The following SEMA6C variants were observed in gnomAD, a reference collection of about 807,000 sequenced individuals.
SEMA6C encodes semaphorin 6C, also known as semaphorin-6C.
A neutral mutation model predicts 72.9 loss-of-function variants in SEMA6C; 37 were observed. The ratio of observed to expected loss-of-function variants is 0.51; its 90% CI spans 0.39 to 0.67. The LOEUF (loss-of-function observed/expected upper bound fraction) is 0.67. SEMA6C is among the 30% of genes least tolerant of loss of function. The pLI, the probability that SEMA6C is intolerant of heterozygous loss-of-function variation, is 0.00. For missense variants in SEMA6C, 1,189 were observed against 1,263.6 expected, an observed-to-expected ratio of 0.94 and a Z score of 0.89; for synonymous variants, 578 against 554.1, an observed-to-expected ratio of 1.04 and a Z score of -0.61.
intron 3 of SEMA6C, among the ~76,000 whole-genome samples, chr1:151,142,129 C>T (rs1478119484): frequency 3.3e-5 from 5 of 151,470 alleles, no homozygotes; most frequent in East Asian, 1.9e-4. Flanking sequence ...CTCCGCCTTC[C>T]GGGTTCATGC....
rs1271048928 is a variant in SEMA6C, at chr1:151,139,660, CCTT to C, written c.272_274del (p.Glu91del). On this transcript the variant is annotated inframe_deletion, in exon 5 of 19. Transcript: ENST00000368914. ...CACCTTGTTGGGCACCAGCCCCTCC[CCTT>C]CTTCTTCGGCTTGAAGATCGAAGGA... The C allele has an allele frequency of 4.4e-6, 7 of 1,607,334 alleles. No homozygotes were observed. Among genetic ancestry groups the C allele is most frequent in the Non-Finnish European group, 6.0e-6 (7 of 1,174,918 alleles).
chr1:151,134,230 A>T (rs1340119914), intron 18 of SEMA6C, 171 bp downstream of exon 18: 1 of 766,770 alleles, frequency 1.3e-6, no homozygotes, highest in African/African-American at 1.7e-5. Context: ...TTGTTCAAAA[A>T]GTACCCTACT....
chr1:151,139,581 T>G, intron 5 of SEMA6C, 57 bp downstream of exon 5: 10 of 1,607,526 alleles, frequency 6.2e-6, no homozygotes, highest in Non-Finnish European at 8.5e-6. Flanking sequence ...CTGACCCACA[T>G]TAGACCTTTC....
intron 12 of SEMA6C, 68 bp from the exon 13 acceptor site, chr1:151,136,231 C>G (rs929096136): frequency 4.4e-6 from 7 of 1,588,524 alleles, no homozygotes; most frequent in South Asian, 1.1e-5. Context: ...TCTGTGCCCC[C>G]TACTGCTCCC....
In SEMA6C at chr1:151,138,368, C is replaced by T. The variant is rs2101632131; in HGVS notation, c.495G>A (p.Gly165=). ...SLQQEGEELS[G]QARCPFDATQ... ...TGGCATCAAAGGGGCATCGAGCCTGCCCACTCAGTTCCTCACCCTCCTGCT... is the reference window on the plus strand; with the variant it reads ...TGGCATCAAAGGGGCATCGAGCCTGTCCACTCAGTTCCTCACCCTCCTGCT... The change falls in exon 8 of 19, where the codon GGG becomes GGA. Residue 165 remains glycine, a synonymous_variant. Coordinates refer to ENST00000368914, the MANE Select transcript of SEMA6C (RefSeq NM_030913.6). 3.7e-6 allele frequency: 6 copies of T among 1,613,996 alleles called. No homozygotes were observed. The highest frequency in any genetic ancestry group is 5.1e-6 in the Non-Finnish European group (6 of 1,179,916).
rs1480872849 is a variant in SEMA6C, at chr1:151,140,029, C to T, written c.180G>A (p.Gly60=). Residue 60 remains glycine (G), a synonymous_variant, in exon 4 of 19, where the codon GGG becomes GGA. Coordinates refer to ENST00000368914, the MANE Select transcript of SEMA6C (RefSeq NM_030913.6). ...AGGTCAGGAATCTCTGAAAGTCCAG[C>T]CCAAGTTCTGCAGCCACAGCATCAT... ...LEDDAVAAEL[G]LDFQRFLTLN... is the part of the protein sequence containing the mutation. 2.5e-6 allele frequency: 4 copies of T among 1,614,148 alleles called. No individual in the cohort carries two copies. Among genetic ancestry groups the T allele is most frequent in the Non-Finnish European group, 1.7e-6 (2 of 1,180,038 alleles).
chr1:151,133,059 C>G lies in SEMA6C; in HGVS notation c.2218G>C (p.Ala740Pro). 2 of 1,442,968 alleles carry G rather than the reference C, an allele frequency of 1.4e-6. No individual in the cohort carries two copies. The highest frequency in any genetic ancestry group is 1.4e-5 in the South Asian group (1 of 73,124). The allele number at this position is 1,442,968 out of a possible 1,614,324, so 89.4% of individuals were successfully genotyped here. Reference protein sequence around the residue: ...EGPGRSRGGHAAGGPAPRVLV... With the variant: ...EGPGRSRGGHPAGGPAPRVLV... Reference sequence around the variant, plus strand: ...ACGCGGGGCGCGGGCCCGCCCGCCGCGTGCCCGCCCCGTGAGCGGCCCGGA... The same window carrying G: ...ACGCGGGGCGCGGGCCCGCCCGCCGGGTGCCCGCCCCGTGAGCGGCCCGGA... The change falls in exon 19 of 19, where the codon GCG (alanine) becomes CCG (proline). Residue 740 changes from alanine (A) to proline (P), a missense_variant. This residue lies in a region of SEMA6C where 721 missense variants were observed against 686.2 expected (regional missense o/e 1.05). Coordinates refer to ENST00000368914, the MANE Select transcript of SEMA6C (RefSeq NM_030913.6). The surrounding 1 kb of genome is among the most constrained non-coding windows in gnomAD (Gnocchi z 5.9).
chr1:151,141,747 T>TA (rs397981535), intron 3 of SEMA6C, among the ~76,000 whole-genome samples: 1 of 144,000 alleles, frequency 6.9e-6, no homozygotes, highest in Admixed American at 7.1e-5. Flanking sequence ...TTTTTTTTTT[T>TA]AAAGAGATGG....
At chr1:151,138,526 A>T in intron 7 of SEMA6C, 104 bp downstream of exon 7, 1 of 1,423,548 alleles carries the variant, frequency 7.0e-7, no homozygotes, top group Non-Finnish European at 9.8e-7. Context: ...CATTCTGGGC[A>T]CTCCCATTCC....
intron 16 of SEMA6C, 40 bp from the exon 17 acceptor site, chr1:151,134,715 G>T (rs1247825602): frequency 6.2e-7 from 1 of 1,612,558 alleles, no homozygotes; most frequent in Non-Finnish European, 8.5e-7. Context: ...TCTGTACGTT[G>T]TCCGTATCTC....
At position 151,139,658 on chromosome 1, in the gene SEMA6C, C is replaced by A. The variant is rs772460654; in HGVS notation, c.277G>T (p.Glu93Ter). The A allele has an allele frequency of 2.1e-5, 34 of 1,607,418 alleles. No homozygotes were observed. The highest frequency in any genetic ancestry group is 1.7e-6 in the Non-Finnish European group (2 of 1,175,024). Residue 93 changes from glutamate (E) to a stop codon, truncating the protein, a stop_gained, in exon 5 of 19, where the codon GAG (glutamate) becomes TAG (stop). Transcript: ENST00000368914. LOFTEE classifies it high-confidence loss of function. ...SFDLQAEEEGEGLVPNKYLTW... is the reference protein window; with the variant it reads ...SFDLQAEEEG ...CTCACCTTGTTGGGCACCAGCCCCT[C>A]CCCTTCTTCTTCGGCTTGAAGATCG...
rs769878254 is a variant in SEMA6C, at chr1:151,135,581, A to G, written c.1433+10T>C. 3.1e-6 allele frequency: 5 copies of G among 1,608,064 alleles called. No individual in the cohort carries two copies. The highest frequency in any genetic ancestry group is 1.1e-5 in the South Asian group (1 of 90,192). Reference sequence around the variant, plus strand: ...TGCTTTGCAGGGGGCCTGCCCTCCAAAGGCCTCACCGGGCAGGGCTGTAGG... The same window carrying G: ...TGCTTTGCAGGGGGCCTGCCCTCCAGAGGCCTCACCGGGCAGGGCTGTAGG... On this transcript the variant is annotated intron_variant, in intron 14 of 18. Coordinates refer to ENST00000368914, the MANE Select transcript of SEMA6C (RefSeq NM_030913.6).
chr1:151,138,531 C>A, intron 7 of SEMA6C, 99 bp downstream of exon 7: 1 of 1,436,544 alleles, frequency 7.0e-7, no homozygotes, highest in Non-Finnish European at 9.7e-7. Context: ...TGGGCACTCC[C>A]ATTCCCCAAC....
chr1:151,136,703 C>A, intron 11 of SEMA6C, 124 bp from the exon 12 acceptor site: 2 of 1,375,168 alleles, frequency 1.5e-6, no homozygotes, highest in Non-Finnish European at 2.0e-6. Context: ...GGGGCAGCCA[C>A]TGGGTGCCAC....
In SEMA6C at chr1:151,135,995, T is replaced by C. The variant is rs1370957272; in HGVS notation, c.1259+16A>G. 13 of 1,613,798 alleles carry C rather than the reference T, an allele frequency of 8.1e-6. No individual in the cohort carries two copies. Among genetic ancestry groups the C allele is most frequent in the African/African-American group, 1.3e-5 (1 of 74,872 alleles). Reference sequence around the variant, plus strand: ...GAGAACAGGGAGGCAGTGGTCAGTGTTTTTCAGCCCCATACCTGCTAGTGA... The same window carrying C: ...GAGAACAGGGAGGCAGTGGTCAGTGCTTTTCAGCCCCATACCTGCTAGTGA... On this transcript the variant is annotated intron_variant, in intron 13 of 18. Coordinates refer to ENST00000368914, the MANE Select transcript of SEMA6C (RefSeq NM_030913.6).
At chr1:151,134,020 T>C (rs1026239840) in intron 18 of SEMA6C, 2 of 1,536,028 alleles carry the variant, frequency 1.3e-6, no homozygotes, top group Admixed American at 2.1e-5. Flanking sequence ...CTGGGAGGAC[T>C]GGGGGTCCCA....
chr1:151,132,889 C>T lies in SEMA6C; in HGVS notation c.2388G>A (p.Pro796=). The change falls in exon 19 of 19, where the codon CCG becomes CCA. Residue 796 remains proline, a synonymous_variant. Coordinates refer to ENST00000368914, the MANE Select transcript of SEMA6C (RefSeq NM_030913.6). ...CCAAGAGGGCGGGGGCGGGCTCCGG[C>T]GGGAGCGCCCGCGAGGTTAAAGGGG... ...PPAPLTSRAL[P]PEPAPALLGG... is the part of the protein sequence containing the mutation. 1 of 1,309,438 alleles carries T rather than the reference C, an allele frequency of 7.6e-7. No homozygotes were observed. The allele number at this position is 1,309,438 out of a possible 1,614,324, so 81.1% of individuals were successfully genotyped here.
Position 151,137,061 on chromosome 1 carries a change from C to A in SEMA6C, c.770G>T (p.Arg257Leu). 6.2e-7 allele frequency: 1 copy of A among 1,613,242 alleles called. No individual in the cohort carries two copies. Among genetic ancestry groups the A allele is most frequent in the Non-Finnish European group, 8.5e-7 (1 of 1,179,994 alleles). Residue 257 changes from arginine (R) to leucine (L), a missense_variant, in exon 11 of 19, where the codon CGC becomes CTC. Around this residue, in one of 2 missense-constraint regions of SEMA6C, gnomAD observed 468 missense variants for 577.4 expected, o/e 0.81. Coordinates refer to ENST00000368914, the MANE Select transcript of SEMA6C (RefSeq NM_030913.6). ...DARLGRVQFS[R>L]VARVCKRDMG... The stretch of plus-strand genomic sequence containing the variant: ...GTCACGTTTACATACTCGGGCTACG[C>A]GGGAGAACTGCACCTAGGGGAGGAG...
In SEMA6C at chr1:151,136,144, C is replaced by T. The variant is rs1458599378; in HGVS notation, c.1126G>A (p.Val376Ile). Residue 376 changes from valine (V) to isoleucine (I), a missense_variant, in exon 13 of 19, where the codon GTA (valine) becomes ATA (isoleucine). Around this residue, in one of 2 missense-constraint regions of SEMA6C, gnomAD observed 468 missense variants for 577.4 expected, o/e 0.81. Coordinates refer to ENST00000368914, the MANE Select transcript of SEMA6C (RefSeq NM_030913.6). ...GAGGAGAACAAGGCAGCTCCCCCTA[C>T]TCCTGCACAGGATCCTGGCCTGGTG... ...PSPRPGSCAG[V>I]GGAALFSSSR... 6.2e-7 allele frequency: 1 copy of T among 1,613,812 alleles called. No homozygotes were observed. Among genetic ancestry groups the T allele is most frequent in the African/African-American group, 1.3e-5 (1 of 74,896 alleles).
Sources: allele counts gnomAD v4.1 joint callset (sites outside exome capture counted in the v4.1 genomes callset), GRCh38; gene constraint gnomAD v4.1.1; regional missense constraint gnomAD v4.1.1; non-coding constraint Gnocchi (gnomAD v3.1); transcripts MANE v1.5; gene names NCBI Gene and HGNC (gene_info 2026-07-23, HGNC 2026-07-21).